Variants in TRAF2 observed in about 807,000 individuals in gnomAD.
TRAF2 encodes TNF receptor-associated factor 2.
Under a neutral mutation model 55.6 loss-of-function variants are expected in TRAF2, and 6 were observed. The observed-to-expected ratio is 0.11, with a 90% CI of 0.06 to 0.21. TRAF2 has a LOEUF of 0.21. Ranked by LOEUF, TRAF2 falls within the 10% of genes least tolerant of loss-of-function variation. The probability of loss-of-function intolerance (pLI) is 1.00; values close to 1 mark genes in which losing one functional copy is unlikely to be tolerated. For missense variants in TRAF2, 561 were observed against 684.5 expected, an observed-to-expected ratio of 0.82 and a Z score of 2.01; for synonymous variants, 329 against 276.3, an observed-to-expected ratio of 1.19 and a Z score of -1.89.
In TRAF2 at chr9:136,897,563, C is replaced by A. The variant is rs548439627; in HGVS notation, c.-28-1150C>A. On this transcript the variant is annotated intron_variant, in intron 1 of 10. Coordinates refer to ENST00000247668, the MANE Select transcript of TRAF2 (RefSeq NM_021138.4). ...TAGCTAAAGGGAATGCACTAGCCAG[C>A]CCCAGGTGTGCTACGTTCCGCTCTC... is the stretch of plus-strand genomic sequence containing the variant. 4.6e-5 allele frequency among the ~76,000 whole-genome samples: 7 copies of A among 151,752 alleles called. No homozygotes were observed. The South Asian group carries it at 1.5e-3, about 32-fold the overall frequency.
chr9:136,911,844 C>CTTTTT (rs1304459874), intron 6 of TRAF2, among the ~76,000 whole-genome samples: 12 of 50,364 alleles, frequency 2.4e-4, no homozygotes, highest in African/African-American at 1.3e-3. Flanking sequence ...TTTCTCTTAT[C>CTTTTT]TCTTTTTTTT....
intron 4 of TRAF2, chr9:136,902,420 G>C (rs919146185): frequency 1.3e-5 from 2 of 152,370 alleles, no homozygotes; most frequent in African/African-American, 4.8e-5. Context: ...TTCCAGCTCT[G>C]CACTGGACCC....
intron 8 of TRAF2, 120 bp downstream of exon 8, chr9:136,920,635 C>T: frequency 3.8e-6 from 5 of 1,310,998 alleles, no homozygotes; most frequent in Non-Finnish European, 5.1e-6. Context: ...AGAACTCCAT[C>T]TGCAAACCCC....
chr9:136,926,167 C>T lies in TRAF2; in HGVS notation c.*266C>T. The T allele has an allele frequency of 3.2e-6, 2 of 631,188 alleles. No homozygotes were observed. The highest frequency in any genetic ancestry group is 5.9e-6 in the Non-Finnish European group (2 of 340,746). 39.1% of individuals were successfully genotyped at this position (631,188 alleles called of 1,614,324 possible). A position where few individuals can be genotyped will look rare whatever the true frequency, so the allele number is the denominator to read the frequency against. Reference sequence around the variant, plus strand: ...ATTGGCCGAGGGTCTTCGGGTGCTTCCCAGCACAAGCTGCCCTTGCTGTCC... The same window carrying T: ...ATTGGCCGAGGGTCTTCGGGTGCTTTCCAGCACAAGCTGCCCTTGCTGTCC... On this transcript the variant is annotated 3_prime_UTR_variant, in exon 11 of 11. Coordinates refer to ENST00000247668, the MANE Select transcript of TRAF2 (RefSeq NM_021138.4).
chr9:136,885,366 G>A (rs932317478), upstream of TRAF2, among the ~76,000 whole-genome samples: 2 of 152,152 alleles, frequency 1.3e-5, no homozygotes, highest in African/African-American at 4.8e-5. Flanking sequence ...TGGAGAGGGG[G>A]TGGTGTGTCC....
chr9:136,907,316 T>G (rs1420609475), intron 4 of TRAF2, among the ~76,000 whole-genome samples: 2 of 152,258 alleles, frequency 1.3e-5, no homozygotes, highest in East Asian at 1.9e-4. Context: ...GTTCTGGCAC[T>G]GGTGGTCACT....
At chr9:136,901,594 A>T (rs920812668) in intron 4 of TRAF2, among the ~76,000 whole-genome samples, 4 of 152,132 alleles carry the variant, frequency 2.6e-5, no homozygotes, top group African/African-American at 9.7e-5. Flanking sequence ...AATGGAGGAG[A>T]CAGGGGTCAT....
chr9:136,910,006 T>TCAC lies in TRAF2; in HGVS notation c.603+14_603+16dup, dbSNP rs753245440. 6.2e-6 allele frequency: 10 copies of TCAC among 1,612,580 alleles called. No homozygotes were observed. The highest frequency in any genetic ancestry group is 8.5e-6 in the Non-Finnish European group (10 of 1,179,386). On this transcript the variant is annotated intron_variant, in intron 6 of 10. Coordinates refer to ENST00000247668, the MANE Select transcript of TRAF2 (RefSeq NM_021138.4). Reference sequence around the variant, plus strand: ...TCCCCCGGGAGAAGGTGAGTGTCCTTCACCTCCTTGGAGGACCGCAGGGCG... The same window carrying TCAC: ...TCCCCCGGGAGAAGGTGAGTGTCCTTCACCACCTCCTTGGAGGACCGCAGGGCG...
In TRAF2 at chr9:136,925,674, C is replaced by T. The variant is rs1156975671; in HGVS notation, c.1288-9C>T. On this transcript the variant is annotated splice_polypyrimidine_tract_variant and intron_variant, in intron 10 of 10. Transcript: ENST00000247668. ...ACCTGTGTCCCCTCCCTGGGGCTCT[C>T]TCCTCCAGGTGACCTTAATGCTGCT... The T allele has an allele frequency of 3.1e-6, 5 of 1,613,648 alleles. No individual in the cohort carries two copies. The highest frequency in any genetic ancestry group is 4.2e-6 in the Non-Finnish European group (5 of 1,179,786).
rs199931540 is a variant in TRAF2, at chr9:136,908,279, T to A, written c.528+48T>A. Reference sequence around the variant, plus strand: ...CTGTGTGGCTGCAGCCATGCGGGGCTGAGCTGGGGAGCTGCGTGCTGGCCA... The same window carrying A: ...CTGTGTGGCTGCAGCCATGCGGGGCAGAGCTGGGGAGCTGCGTGCTGGCCA... On this transcript the variant is annotated intron_variant, in intron 5 of 10. Transcript: ENST00000247668. 783 of 1,503,416 alleles carry A rather than the reference T, an allele frequency of 5.2e-4. 3 individuals are homozygous for A. In the African/African-American group the frequency reaches 9.3e-3, roughly 18 times the overall value. 93.1% of individuals were successfully genotyped at this position (1,503,416 alleles called of 1,614,324 possible).
chr9:136,913,231 T>A (rs1186085542), intron 6 of TRAF2, among the ~76,000 whole-genome samples: 1 of 152,128 alleles, frequency 6.6e-6, no homozygotes, highest in East Asian at 1.9e-4. Context: ...GAAGCTCTTT[T>A]TGTTCTTGGA....
chr9:136,920,345 G>A lies in TRAF2; in HGVS notation c.790G>A (p.Ala264Thr), dbSNP rs144427288. The change falls in exon 8 of 11, where the codon GCG (alanine) becomes ACG (threonine). Residue 264 changes from alanine (A) to threonine (T), a missense_variant. Physicochemically the swap from Ala to Thr is moderately conservative, Grantham distance 58. This residue lies in a region of TRAF2 where 426 missense variants were observed against 476.8 expected (regional missense o/e 0.89). Coordinates refer to ENST00000247668, the MANE Select transcript of TRAF2 (RefSeq NM_021138.4). ...GCCCCTCTTGGGAGACCAGAGCCAC[G>A]CGGGGTCAGAGCTCCTGCAGAGGTG... ...AKPLLGDQSH[A>T]GSELLQRCES... The A allele has an allele frequency of 2.1e-4, 342 of 1,614,112 alleles. 2 individuals are homozygous for A. In the African/African-American group the frequency reaches 4.0e-3, roughly 19 times the overall value.
At chr9:136,916,404 G>GTCGCC in intron 6 of TRAF2, 137 bp from the exon 7 acceptor site, 1 of 787,494 alleles carries the variant, frequency 1.3e-6, no homozygotes, top group Non-Finnish European at 2.2e-6. Flanking sequence ...TGGGCTGTTG[G>GTCGCC]GTTTCATTCA....
upstream of TRAF2, chr9:136,886,511 C>T (rs757624181): frequency 4.0e-6 from 4 of 992,858 alleles, no homozygotes; most frequent in African/African-American, 7.0e-5. Context: ...GCTGGGCGGG[C>T]CCTTAGTTCC....
At chr9:136,886,632 C>T (rs1351512464) in intron 1 of TRAF2, 91 bp downstream of exon 1, 9 of 923,622 alleles carry the variant, frequency 9.7e-6, no homozygotes, top group African/African-American at 5.4e-5. Context: ...GGCGCGGGCA[C>T]CTCTCAGGGA....
rs766041831 is a variant in TRAF2 at position 136,900,505 on chromosome 9, C to A, written c.351C>A (p.Thr117=). The A allele has an allele frequency of 6.2e-6, 10 of 1,613,832 alleles. No homozygotes were observed. The highest frequency in any genetic ancestry group is 8.5e-6 in the Non-Finnish European group (10 of 1,179,962). Residue 117 remains threonine (T), a synonymous_variant, in exon 4 of 11, where the codon ACC becomes ACA. Coordinates refer to ENST00000247668, the MANE Select transcript of TRAF2 (RefSeq NM_021138.4). ...GTGATGGATGCACCTGGAAGGGGAC[C>A]CTGAAAGAATACGAGGTAAAGATGC... ...CPSDGCTWKG[T]LKEYESCHEG...
At position 136,898,695 on chromosome 9, in the gene TRAF2, C is replaced by T. The variant is rs1554779275; in HGVS notation, c.-28-18C>T. 1 of 1,610,946 alleles carries T rather than the reference C, an allele frequency of 6.2e-7. No individual in the cohort carries two copies. Among genetic ancestry groups the T allele is most frequent in the Non-Finnish European group, 8.5e-7 (1 of 1,179,666 alleles). On this transcript the variant is annotated intron_variant, in intron 1 of 10. Coordinates refer to ENST00000247668, the MANE Select transcript of TRAF2 (RefSeq NM_021138.4). ...TGTTCTGGAATTGAGGTGTAACGTG[C>T]TGTGTGTTCTTCCTTAGGGCTTTGT...
At chr9:136,905,809 T>C (rs1027680680) in intron 4 of TRAF2, among the ~76,000 whole-genome samples, 3 of 151,982 alleles carry the variant, frequency 2.0e-5, no homozygotes, top group African/African-American at 7.3e-5. Flanking sequence ...CCAGCCTGGG[T>C]AAGATGGCTC....
At chr9:136,906,883 C>G (rs942400583) in intron 4 of TRAF2, among the ~76,000 whole-genome samples, 3 of 152,230 alleles carry the variant, frequency 2.0e-5, no homozygotes, top group Non-Finnish European at 1.5e-5. Flanking sequence ...CCTGCCACCC[C>G]GTTCTTCCTC....
Sources: allele counts gnomAD v4.1 joint callset (sites outside exome capture counted in the v4.1 genomes callset), GRCh38; gene constraint gnomAD v4.1.1; regional missense constraint gnomAD v4.1.1; transcripts MANE v1.5; gene names NCBI Gene and HGNC (gene_info 2026-07-23, HGNC 2026-07-21).